Variants in HIVEP2 observed in about 807,000 individuals in gnomAD.
HIVEP2 encodes transcription factor HIVEP2.
Under a neutral mutation model 180.7 loss-of-function variants are expected in HIVEP2, and 14 were observed. The ratio of observed to expected loss-of-function variants is 0.08; its 90% CI spans 0.05 to 0.12. The LOEUF (loss-of-function observed/expected upper bound fraction) is 0.12. HIVEP2 is among the 10% of genes least tolerant of loss of function. The probability of loss-of-function intolerance (pLI) is 1.00; values close to 1 mark genes in which losing one functional copy is unlikely to be tolerated. For missense variants in HIVEP2, 2,579 were observed against 3,008.5 expected (o/e 0.86, Z 3.34); for synonymous variants, 1,184 against 1,136.4 (o/e 1.04, Z -0.84).
intron 1 of HIVEP2, among the ~76,000 whole-genome samples, chr6:142,890,342 G>T (rs1012927834): frequency 6.6e-6 from 1 of 152,144 alleles, no homozygotes; most frequent in African/African-American, 2.4e-5. Context: ...CAAAGTTAAC[G>T]CAATTCAGCT....
chr6:142,778,726 G>T (rs1328144099), intron 3 of HIVEP2, among the ~76,000 whole-genome samples: 1 of 152,032 alleles, frequency 6.6e-6, no homozygotes, highest in Non-Finnish European at 1.5e-5. Context: ...TTCTTAGAGA[G>T]GTTGGGTTTC....
chr6:142,758,305 A>G (rs1775132549), intron 9 of HIVEP2, among the ~76,000 whole-genome samples: 1 of 152,234 alleles, frequency 6.6e-6, no homozygotes, highest in South Asian at 2.1e-4. Flanking sequence ...TTGGTACCAG[A>G]CTTGTGAAAA....
rs1331588249 is a variant in HIVEP2 at position 142,945,015 on chromosome 6, C to T, written c.-641+84G>A. ...AGCCAGCGCCTTCGCTGCGCTCGCT[C>T]GGCCGCAGGCCGGCGGCCCGGGCCT... On this transcript the variant is annotated intron_variant, in intron 1 of 9. Transcript: ENST00000367603. The surrounding 1 kb of genome is among the most constrained non-coding windows in gnomAD (Gnocchi z 5.5). The T allele has an allele frequency of 1.4e-5, 2 of 148,064 alleles. No individual in the cohort carries two copies. Among genetic ancestry groups the T allele is most frequent in the African/African-American group, 4.9e-5 (2 of 40,998 alleles). 9.2% of individuals were successfully genotyped at this position (148,064 alleles called of 1,614,324 possible).
chr6:142,885,471 G>T lies in HIVEP2; in HGVS notation c.-640-48424C>A, dbSNP rs868451688. ...GCCTGGAAATTCCTGTTGTCCATTC[G>T]CTGAGGTCACAGATAAAGCTAAACA... On this transcript the variant is annotated intron_variant, in intron 1 of 9. Coordinates refer to ENST00000367603, the MANE Select transcript of HIVEP2 (RefSeq NM_006734.4). 2.0e-5 allele frequency among the ~76,000 whole-genome samples: 3 copies of T among 152,132 alleles called. No homozygotes were observed. The South Asian group carries it at 6.2e-4, about 32-fold the overall frequency.
At chr6:142,788,196 T>C (rs1386915206) in intron 2 of HIVEP2, 2 of 152,220 alleles carry the variant, frequency 1.3e-5, no homozygotes, top group Non-Finnish European at 2.9e-5. Flanking sequence ...CATTTACTTA[T>C]ACCTAATGTT....
At chr6:142,816,399 T>G (rs916650843) in intron 2 of HIVEP2, among the ~76,000 whole-genome samples, 14 of 152,196 alleles carry the variant, frequency 9.2e-5, no homozygotes, top group Non-Finnish European at 1.9e-4. Context: ...ATTCATCTCT[T>G]TGTCTACTTC....
chr6:142,793,211 G>A (rs1776183193), intron 2 of HIVEP2, among the ~76,000 whole-genome samples: 1 of 152,066 alleles, frequency 6.6e-6, no homozygotes, highest in Non-Finnish European at 1.5e-5. Flanking sequence ...AAGCTATTAT[G>A]TATGAACAGT....
rs1202225589 is a variant in HIVEP2, at chr6:142,759,969, G to C, written c.6319C>G (p.Pro2107Ala). 4 of 1,613,862 alleles carry C rather than the reference G, an allele frequency of 2.5e-6. No individual in the cohort carries two copies. The highest frequency in any genetic ancestry group is 3.4e-6 in the Non-Finnish European group (4 of 1,179,962). ...CTCCTTGGAGACAAATGCCTTCTTGGTGAAACATCTCTTTGGGACATCTCT... is the reference window on the plus strand; with the variant it reads ...CTCCTTGGAGACAAATGCCTTCTTGCTGAAACATCTCTTTGGGACATCTCT... ...RREMSQRDVS[P>A]RRHLSPRRPV... The change falls in exon 9 of 10, where the codon CCA becomes GCA. Residue 2107 changes from proline to alanine, a missense_variant. By Grantham distance (27) the Pro-to-Ala change is conservative. Coordinates refer to ENST00000367603, the MANE Select transcript of HIVEP2 (RefSeq NM_006734.4).
chr6:142,888,260 A>G (rs1776759478), intron 1 of HIVEP2, among the ~76,000 whole-genome samples: 1 of 152,116 alleles, frequency 6.6e-6, no homozygotes, highest in Non-Finnish European at 1.5e-5. Context: ...CCCAGGCTGC[A>G]GTGCAATGGT....
At chr6:142,769,096 A>C (rs1484854398) in intron 5 of HIVEP2, among the ~76,000 whole-genome samples, 1 of 152,212 alleles carries the variant, frequency 6.6e-6, no homozygotes, top group Non-Finnish European at 1.5e-5. Flanking sequence ...ATGTCTCGTC[A>C]ATGAGAGTAA....
rs558627949 is a variant in HIVEP2 at position 142,944,350 on chromosome 6, A to C, written c.-641+749T>G. Reference sequence around the variant, plus strand: ...GATAACAGCTGGGGTAGCAGAGCGGATCTGGAGTCCACCCCCCCCCCCCAC... The same window carrying C: ...GATAACAGCTGGGGTAGCAGAGCGGCTCTGGAGTCCACCCCCCCCCCCCAC... On this transcript the variant is annotated intron_variant, in intron 1 of 9. Transcript: ENST00000367603. 7.0e-3 allele frequency among the ~76,000 whole-genome samples: 940 copies of C among 133,640 alleles called. 8 individuals are homozygous for C. Among genetic ancestry groups the C allele is most frequent in the South Asian group, 0.023 (96 of 4,140 alleles). The allele number at this position is 133,640 out of a possible 152,430, so 87.7% of individuals were successfully genotyped here.
intron 1 of HIVEP2, among the ~76,000 whole-genome samples, chr6:142,895,170 C>T (rs1776954548): frequency 6.6e-6 from 1 of 152,122 alleles, no homozygotes; most frequent in African/African-American, 2.4e-5. Flanking sequence ...TCTTCTTGAA[C>T]AGTATCTTGA....
At chr6:142,793,638 TTC>T (rs1226711502) in intron 2 of HIVEP2, among the ~76,000 whole-genome samples, 2 of 34,400 alleles carry the variant, frequency 5.8e-5, no homozygotes, top group African/African-American at 2.3e-4. Context: ...CTTTCTTTCT[TTC>T]TTTCTTTCTT....
chr6:142,828,772 G>A (rs1399699462), intron 2 of HIVEP2, among the ~76,000 whole-genome samples: 1 of 152,148 alleles, frequency 6.6e-6, no homozygotes, highest in Non-Finnish European at 1.5e-5. Context: ...TCAGCTACTT[G>A]AGAACAGGAC....
At chr6:142,833,053 C>A (rs1184165361) in intron 2 of HIVEP2, among the ~76,000 whole-genome samples, 2 of 152,108 alleles carry the variant, frequency 1.3e-5, no homozygotes, top group African/African-American at 4.8e-5. Context: ...TTGAACACTG[C>A]CAGTTAACTA....
At chr6:142,796,477 A>C (rs1776281465) in intron 2 of HIVEP2, among the ~76,000 whole-genome samples, 1 of 152,176 alleles carries the variant, frequency 6.6e-6, no homozygotes, top group African/African-American at 2.4e-5. Context: ...AAAAAATGTT[A>C]TTAAGAAAAT....
intron 1 of HIVEP2, among the ~76,000 whole-genome samples, chr6:142,852,912 TATAA>T: frequency 6.6e-6 from 1 of 152,380 alleles, no homozygotes; most frequent in African/African-American, 2.4e-5. Flanking sequence ...AAAAATTTGA[TATAA>T]ATATTTGTCA....
At chr6:142,853,157 A>T (rs1457792618) in intron 1 of HIVEP2, among the ~76,000 whole-genome samples, 1 of 152,196 alleles carries the variant, frequency 6.6e-6, no homozygotes, top group Non-Finnish European at 1.5e-5. Flanking sequence ...ACAGATTTGT[A>T]CACAAGATCA....
At chr6:142,784,815 T>C (rs1775942973) in intron 2 of HIVEP2, among the ~76,000 whole-genome samples, 1 of 152,206 alleles carries the variant, frequency 6.6e-6, no homozygotes, top group Non-Finnish European at 1.5e-5. Flanking sequence ...CATGATTCAT[T>C]AACATAGAAG....
Sources: allele counts gnomAD v4.1 joint callset (sites outside exome capture counted in the v4.1 genomes callset), GRCh38; gene constraint gnomAD v4.1.1; non-coding constraint Gnocchi (gnomAD v3.1); transcripts MANE v1.5; gene names NCBI Gene and HGNC (gene_info 2026-07-23, HGNC 2026-07-21).